Variants in QTMAN observed in about 807,000 individuals in gnomAD.
QTMAN encodes the protein queuosine-tRNA mannosyltransferase.
the QTMAN span, among the ~76,000 whole-genome samples, chr2:144,266,086 C>T: frequency 6.6e-6 from 1 of 152,024 alleles, no homozygotes; most frequent in African/African-American, 2.4e-5. Flanking sequence ...AGAAAATAAC[C>T]AGCTAAGAAA....
chr2:143,998,440 G>T, the QTMAN span, among the ~76,000 whole-genome samples: 2 of 151,090 alleles, frequency 1.3e-5, no homozygotes, highest in African/African-American at 4.9e-5. Flanking sequence ...AGAAGGGGGG[G>T]GAAAGCTTAC....
chr2:144,004,467 T>C, the QTMAN span, among the ~76,000 whole-genome samples: 5 of 152,026 alleles, frequency 3.3e-5, no homozygotes, highest in Non-Finnish European at 7.4e-5. Context: ...AACTGTATTT[T>C]TATGAGCAAA....
the QTMAN span, chr2:144,011,787 T>C: frequency 6.1e-6 from 6 of 978,082 alleles, no homozygotes; most frequent in Non-Finnish European, 7.3e-6. Context: ...TTCCTTTCTC[T>C]TTCCCAGTTC....
the QTMAN span, among the ~76,000 whole-genome samples, chr2:144,219,894 A>G: frequency 6.6e-6 from 1 of 152,196 alleles, no homozygotes; most frequent in African/African-American, 2.4e-5. Flanking sequence ...CTCATCTCCA[A>G]CATTCTACAT....
the QTMAN span, among the ~76,000 whole-genome samples, chr2:144,043,558 G>A: frequency 5.3e-5 from 8 of 151,772 alleles, no homozygotes; most frequent in South Asian, 4.2e-4. Context: ...CCTTGAACCC[G>A]GGAGGCAGAG....
the QTMAN span, among the ~76,000 whole-genome samples, chr2:144,273,669 A>T: frequency 6.6e-6 from 1 of 152,192 alleles, no homozygotes; most frequent in Non-Finnish European, 1.5e-5. Context: ...TCTAAGTAAA[A>T]CATATGACAA....
chr2:144,298,838 G>T, the QTMAN span, among the ~76,000 whole-genome samples: 1 of 152,246 alleles, frequency 6.6e-6, no homozygotes, highest in Non-Finnish European at 1.5e-5. Context: ...GGGAGCTTAT[G>T]TGCACTCTTC....
the QTMAN span, among the ~76,000 whole-genome samples, chr2:144,283,905 CAA>C: frequency 1.3e-5 from 2 of 151,354 alleles, no homozygotes; most frequent in Non-Finnish European, 3.0e-5. Flanking sequence ...TATAAAGGAA[CAA>C]AATATACTGG....
At chr2:144,029,696 A>G in the QTMAN span, among the ~76,000 whole-genome samples, 1 of 152,176 alleles carries the variant, frequency 6.6e-6, no homozygotes, top group South Asian at 2.1e-4. Flanking sequence ...AAAATCTATA[A>G]CTAGACACCA....
chr2:144,182,889 T>TATA, the QTMAN span, among the ~76,000 whole-genome samples: 5 of 81,186 alleles, frequency 6.2e-5, no homozygotes, highest in East Asian at 1.5e-3. Context: ...ATATATTTTA[T>TATA]ATATATATAT....
the QTMAN span, chr2:143,970,815 G>T: frequency 9.8e-7 from 1 of 1,015,740 alleles, no homozygotes. Context: ...CATGTGTTAG[G>T]AAAAGTGGTT....
At chr2:144,030,445 T>A in the QTMAN span, among the ~76,000 whole-genome samples, 1 of 152,188 alleles carries the variant, frequency 6.6e-6, no homozygotes, top group African/African-American at 2.4e-5. Context: ...CCATGACTGC[T>A]GGTTTCATGT....
At chr2:144,163,975 G>A in the QTMAN span, among the ~76,000 whole-genome samples, 1 of 152,128 alleles carries the variant, frequency 6.6e-6, no homozygotes, top group Non-Finnish European at 1.5e-5. Context: ...CCAGGCTGGA[G>A]TGCAGTGACA....
chr2:144,021,939 A>C, the QTMAN span, among the ~76,000 whole-genome samples: 22 of 152,144 alleles, frequency 1.4e-4, no homozygotes, highest in Admixed American at 2.6e-4. Flanking sequence ...AAGTCAACAG[A>C]TCTCTCACAT....
At chr2:144,104,001 A>T in the QTMAN span, among the ~76,000 whole-genome samples, 12 of 152,158 alleles carry the variant, frequency 7.9e-5, no homozygotes, top group Admixed American at 5.2e-4. Context: ...GAGGCACGAG[A>T]AATGCTTGAA....
chr2:144,204,345 C>T, the QTMAN span, among the ~76,000 whole-genome samples: 1 of 152,178 alleles, frequency 6.6e-6, no homozygotes, highest in Non-Finnish European at 1.5e-5. Context: ...TATGAACAGA[C>T]ACTTCTTAAA....
the QTMAN span, among the ~76,000 whole-genome samples, chr2:144,112,084 T>C: frequency 6.6e-6 from 1 of 152,224 alleles, no homozygotes; most frequent in South Asian, 2.1e-4. Flanking sequence ...TACATTGGTA[T>C]AATATTGCAC....
the QTMAN span, among the ~76,000 whole-genome samples, chr2:144,247,746 T>C: frequency 1.3e-5 from 2 of 152,170 alleles, no homozygotes; most frequent in African/African-American, 4.8e-5. Flanking sequence ...CAATTTCAGT[T>C]CACTGCAGCC....
At chr2:144,199,656 T>C in the QTMAN span, among the ~76,000 whole-genome samples, 6 of 152,216 alleles carry the variant, frequency 3.9e-5, no homozygotes, top group East Asian at 7.7e-4. Flanking sequence ...TGAATATATA[T>C]ATATTTTAAT....
Sources: gnomAD v4.1 joint callset for allele counts (sites outside exome capture counted in the v4.1 genomes callset) on GRCh38, gnomAD v4.1.1 for gene constraint, MANE v1.5 for transcripts, NCBI Gene and HGNC (gene_info 2026-07-23, HGNC 2026-07-21) for gene names.